ABCB8: variants seen among roughly 807,000 people sequenced by gnomAD.
ABCB8 encodes the protein mitochondrial potassium channel ATP-binding subunit.
ABCB8 carries 52 observed loss-of-function variants against 73.0 expected under a neutral mutation model. The observed-to-expected ratio is 0.71, with a 90% CI of 0.57 to 0.90. The LOEUF (loss-of-function observed/expected upper bound fraction) is 0.90, where lower values mean the gene tolerates loss of function less well. Among genes scored for constraint, ABCB8 ranks in the 40% least tolerant of loss-of-function variants. ABCB8 has a pLI of 0.00. For synonymous variants in ABCB8, 428 were observed against 423.5 expected (o/e 1.01, Z -0.13); for missense variants, 909 against 974.6 (o/e 0.93, Z 0.90).
chr7:151,043,922 A>G, intron 14 of ABCB8, 49 bp from the exon 15 acceptor site: 1 of 1,594,880 alleles, frequency 6.3e-7, no homozygotes, highest in East Asian at 2.3e-5. Context: ...TTTGTGGGCC[A>G]CCCTCAAGTG....
chr7:151,043,766 G>T (rs13239923), intron 14 of ABCB8, among the ~76,000 whole-genome samples: 1 of 119,776 alleles, frequency 8.3e-6, no homozygotes. Context: ...GAGGCAGGAG[G>T]AGGGTGCACG....
At chr7:151,028,728 G>C in intron 1 of ABCB8, 118 bp downstream of exon 1, 15 of 1,541,028 alleles carry the variant, frequency 9.7e-6, no homozygotes, top group Non-Finnish European at 1.3e-5. Flanking sequence ...TGTAGGCCAG[G>C]CCTACCGGGG....
intron 9 of ABCB8, chr7:151,037,490 G>T: frequency 1.6e-6 from 1 of 609,574 alleles, no homozygotes; most frequent in Admixed American, 2.7e-5. Context: ...GCTCAAGGCG[G>T]GCCTCCCCCC....
At chr7:151,037,393 C>T in intron 9 of ABCB8, 1 of 699,234 alleles carries the variant, frequency 1.4e-6, no homozygotes, top group Admixed American at 2.0e-5. Context: ...CCCCACACAC[C>T]CCACCCTTAT....
At chr7:151,037,758 C>A in intron 9 of ABCB8, 1 of 230,352 alleles carries the variant, frequency 4.3e-6, no homozygotes, top group Non-Finnish European at 8.7e-6. Flanking sequence ...CGGATCAGAA[C>A]CCCTCACTGC....
At chr7:151,035,049 C>A (rs554976199) in intron 5 of ABCB8, among the ~76,000 whole-genome samples, 2 of 152,358 alleles carry the variant, frequency 1.3e-5, no homozygotes, top group South Asian at 4.1e-4. Context: ...TTCTCCACTG[C>A]TCTGAAACCG....
At chr7:151,034,481 T>G in intron 3 of ABCB8, 24 bp from the exon 4 acceptor site, 3 of 1,613,728 alleles carry the variant, frequency 1.9e-6, no homozygotes, top group Non-Finnish European at 2.5e-6. Flanking sequence ...GAGGCATCCC[T>G]GAGTGCACTG....
chr7:151,028,838 G>T, intron 1 of ABCB8: 1 of 1,553,360 alleles, frequency 6.4e-7, no homozygotes, highest in Non-Finnish European at 8.7e-7. Flanking sequence ...CAGCCAGAAG[G>T]AGGGGACGCT....
intron 9 of ABCB8, chr7:151,038,563 TGTGGTGGGCA>T (rs958469240): frequency 2.7e-5 from 4 of 150,676 alleles, no homozygotes; most frequent in African/African-American, 9.7e-5. Flanking sequence ...CTTAGCCCTC[TGTGGTGGGCA>T]GTGGTGGGAC....
intron 1 of ABCB8, chr7:151,029,547 C>T (rs1796095269): frequency 7.0e-6 from 1 of 142,318 alleles, no homozygotes; most frequent in African/African-American, 2.7e-5. Context: ...CGCTCTGTCA[C>T]CCAGGCTGGA....
intron 13 of ABCB8, among the ~76,000 whole-genome samples, chr7:151,041,690 C>T (rs1029978376): frequency 1.3e-5 from 2 of 152,210 alleles, no homozygotes; most frequent in East Asian, 3.9e-4. Context: ...CAAATGCAAG[C>T]CCCCAACTCC....
At chr7:151,036,249 C>T (rs1796305938) in intron 8 of ABCB8, 79 bp downstream of exon 8, 3 of 1,355,336 alleles carry the variant, frequency 2.2e-6, no homozygotes, top group African/African-American at 1.5e-5. Flanking sequence ...GGCAAAGGCC[C>T]TCCCTTCATC....
Position 151,047,091 on chromosome 7 carries a change from C to G in ABCB8, c.*1742C>G, listed in dbSNP as rs1306622459. The G allele has an allele frequency of 6.6e-6, 1 of 152,304 alleles. No homozygotes were observed. The highest frequency in any genetic ancestry group is 1.5e-5 in the Non-Finnish European group (1 of 68,110). 9.4% of individuals were successfully genotyped at this position (152,304 alleles called of 1,614,324 possible). Reference sequence around the variant, plus strand: ...GCTTGTTGGCCTGACCCCTCCCTCACCAGGCAGCCAGCCAAGGTGGTTCCT... The same window carrying G: ...GCTTGTTGGCCTGACCCCTCCCTCAGCAGGCAGCCAGCCAAGGTGGTTCCT... On this transcript the variant is annotated 3_prime_UTR_variant, in exon 16 of 16. Transcript: ENST00000358849.
chr7:151,032,960 G>A lies in ABCB8; in HGVS notation c.96-645G>A. On this transcript the variant is annotated intron_variant, in intron 1 of 15. Coordinates refer to ENST00000358849, the MANE Select transcript of ABCB8 (RefSeq NM_007188.5). ...CAGAGTAGAGCCAGCCTGGGTGCTG[G>A]AGTCAGACTGCAGACTTGGTTCCCT... 12 of 455,196 alleles carry A rather than the reference G, an allele frequency of 2.6e-5. 1 individual carries two copies. The highest frequency in any genetic ancestry group is 1.6e-4 in the South Asian group (10 of 64,450). 28.2% of individuals were successfully genotyped at this position (455,196 alleles called of 1,614,324 possible).
Position 151,035,928 on chromosome 7 carries a change from G to A in ABCB8, c.974G>A (p.Arg325Gln), listed in dbSNP as rs147045076. ...GCAGACGAGGCCCTGGGCAATGTGC[G>A]GACTGTGCGTGCCTTCGCCATGGAG... ...GVADEALGNV[R>Q]TVRAFAMEQR... The change falls in exon 7 of 16, where the codon CGG becomes CAG. Residue 325 changes from arginine to glutamine, a missense_variant. Physicochemically the swap from Arg to Gln is conservative, Grantham distance 43. Transcript: ENST00000358849. The A allele has an allele frequency of 1.8e-5, 29 of 1,613,834 alleles. No homozygotes were observed. Among genetic ancestry groups the A allele is most frequent in the East Asian group, 4.5e-5 (2 of 44,884 alleles).
At chr7:151,033,217 T>TGGTC in intron 1 of ABCB8, 2 of 415,208 alleles carry the variant, frequency 4.8e-6, no homozygotes, top group South Asian at 3.7e-5. Context: ...CTCTGCACCG[T>TGGTC]GGTCCCTTAA....
At chr7:151,039,329 C>G in intron 9 of ABCB8, 1 of 152,472 alleles carries the variant, frequency 6.6e-6, no homozygotes, top group Non-Finnish European at 1.5e-5. Flanking sequence ...GCACTGAGTC[C>G]ACTGGGACCT....
rs1563286888 is a variant in ABCB8, at chr7:151,032,955, T to C, written c.96-650T>C. The C allele has an allele frequency of 5.7e-5, 26 of 453,986 alleles. 1 individual carries two copies. Among genetic ancestry groups the C allele is most frequent in the South Asian group, 4.0e-4 (26 of 64,318 alleles). 28.1% of individuals were successfully genotyped at this position (453,986 alleles called of 1,614,324 possible). ...ACTGGCAGAGTAGAGCCAGCCTGGG[T>C]GCTGGAGTCAGACTGCAGACTTGGT... On this transcript the variant is annotated intron_variant, in intron 1 of 15. Coordinates refer to ENST00000358849, the MANE Select transcript of ABCB8 (RefSeq NM_007188.5).
At chr7:151,039,991 G>T (rs1584954923) in intron 9 of ABCB8, 1 of 454,370 alleles carries the variant, frequency 2.2e-6, no homozygotes, top group Non-Finnish European at 3.9e-6. Flanking sequence ...AGAGGCCTGT[G>T]CCTTCACTTC....
Sources: gnomAD v4.1 joint callset for allele counts (sites outside exome capture counted in the v4.1 genomes callset) on GRCh38, gnomAD v4.1.1 for gene constraint, MANE v1.5 for transcripts, NCBI Gene and HGNC (gene_info 2026-07-23, HGNC 2026-07-21) for gene names.